Variants in ZBTB40 observed in about 807,000 individuals in gnomAD.
ZBTB40 encodes zinc finger and BTB domain containing 40.
ZBTB40 carries 60 observed loss-of-function variants against 117.5 expected under a neutral mutation model. The observed-to-expected ratio is 0.51, with a 90% confidence interval of 0.41 to 0.63. The LOEUF (loss-of-function observed/expected upper bound fraction) is 0.63, where lower values mean the gene tolerates loss of function less well. Ranked by LOEUF, ZBTB40 falls within the 30% of genes least tolerant of loss-of-function variation. ZBTB40 has a pLI of 0.00. For missense variants in ZBTB40, 1,287 were observed against 1,498.5 expected (o/e 0.86, Z 2.33); for synonymous variants, 525 against 577.1 (o/e 0.91, Z 1.29).
chr1:22,451,496 T>G (rs1387431205), upstream of ZBTB40, among the ~76,000 whole-genome samples: 1 of 150,972 alleles, frequency 6.6e-6, no homozygotes, highest in Non-Finnish European at 1.5e-5. Context: ...AAAAAAAAAA[T>G]TAGCAGGGCG....
chr1:22,492,433 C>T lies in ZBTB40; in HGVS notation c.831+900C>T, dbSNP rs143189386. Among the ~76,000 whole-genome samples the T allele has an allele frequency of 4.7e-4, 72 of 152,330 alleles. 2 individuals carry two copies. In the East Asian group the frequency reaches 0.013, roughly 27 times the overall value. On this transcript the variant is annotated intron_variant, in intron 3 of 17. Coordinates refer to ENST00000375647, the MANE Select transcript of ZBTB40 (RefSeq NM_014870.4). Reference sequence around the variant, plus strand: ...CCTGACCCTGCAGGATTCGACTCCACAACCAATTTAGAATTCCATTTATTT... The same window carrying T: ...CCTGACCCTGCAGGATTCGACTCCATAACCAATTTAGAATTCCATTTATTT...
intron 7 of ZBTB40, 128 bp downstream of exon 7, chr1:22,508,265 G>C: frequency 8.4e-7 from 1 of 1,183,678 alleles, no homozygotes; most frequent in East Asian, 2.6e-5. Context: ...TTGCTAAGTA[G>C]AGGAGAAATA....
At chr1:22,519,926 T>C (rs1639474273) in intron 13 of ZBTB40, 135 bp from the exon 14 acceptor site, 1 of 837,382 alleles carries the variant, frequency 1.2e-6, no homozygotes, top group South Asian at 1.4e-5. Context: ...TTGGAGTCTA[T>C]GACCCTGCCT....
intron 12 of ZBTB40, among the ~76,000 whole-genome samples, chr1:22,515,652 G>A (rs147720421): frequency 1.1e-3 from 168 of 152,128 alleles, no homozygotes; most frequent in African/African-American, 3.8e-3. Context: ...GGACCCTTGC[G>A]ATTACATTGA....
upstream of ZBTB40, among the ~76,000 whole-genome samples, chr1:22,449,681 G>A (rs1218899814): frequency 6.6e-6 from 1 of 152,194 alleles, no homozygotes; most frequent in African/African-American, 2.4e-5. Flanking sequence ...TAATAAGCAT[G>A]TATTCATTTA....
intron 1 of ZBTB40, among the ~76,000 whole-genome samples, chr1:22,479,403 GTT>G (rs1638226629): frequency 6.6e-6 from 1 of 151,980 alleles, no homozygotes; most frequent in Non-Finnish European, 1.5e-5. Context: ...TTTTATGTTT[GTT>G]TATAAAGTCA....
At chr1:22,512,206 C>G in intron 11 of ZBTB40, 72 bp downstream of exon 11, 1 of 1,547,248 alleles carries the variant, frequency 6.5e-7, no homozygotes, top group Non-Finnish European at 8.9e-7. Flanking sequence ...AGGCCTTTCC[C>G]TTAGTTGTGT....
Position 22,508,682 on chromosome 1 carries a change from C to T in ZBTB40, c.1650C>T (p.Leu550=). 5 of 1,614,130 alleles carry T rather than the reference C, an allele frequency of 3.1e-6. No homozygotes were observed. The highest frequency in any genetic ancestry group is 1.7e-4 in the Middle Eastern group (1 of 6,050). Residue 550 remains leucine, a synonymous_variant, in exon 8 of 18, where the codon CTC becomes CTT. Coordinates refer to ENST00000375647, the MANE Select transcript of ZBTB40 (RefSeq NM_014870.4). The part of the protein sequence containing the change: ...QETKTCPLDL[L]MEEIRREPGA... The stretch of plus-strand genomic sequence containing the variant: ...CAAAGACCTGTCCATTGGACCTGCT[C>T]ATGGAGGAAATACGAAGGGAGCCTG...
Position 22,521,601 on chromosome 1 carries a change from G to C in ZBTB40, c.3154G>C (p.Asp1052His). The change falls in exon 15 of 18, where the codon GAC (aspartate) becomes CAC (histidine). Residue 1052 changes from aspartate to histidine, a missense_variant. Around this residue, in one of 2 missense-constraint regions of ZBTB40, gnomAD observed 417 missense variants for 564.1 expected, o/e 0.74. Transcript: ENST00000375647. ...KFSSLQCSSC[D>H]KTFPNTIEHK... ...CTCATCACTCCAGTGCAGCTCCTGT[G>C]ACAAAACCTTCCCCAACACCATTGA... The C allele has an allele frequency of 6.2e-7, 1 of 1,614,194 alleles. No individual in the cohort carries two copies. Among genetic ancestry groups the C allele is most frequent in the Non-Finnish European group, 8.5e-7 (1 of 1,180,050 alleles).
rs1639805456 is a variant in ZBTB40, at chr1:22,530,664, T to C, written c.*4268T>C. On this transcript the variant is annotated 3_prime_UTR_variant, in exon 18 of 18. Coordinates refer to ENST00000375647, the MANE Select transcript of ZBTB40 (RefSeq NM_014870.4). ...TTCTTGTTCAGCTTGCACTAATCTA[T>C]ATAAATAAAATATGTACTTTGAAAA... 6.6e-6 allele frequency: 1 copy of C among 152,320 alleles called. No homozygotes were observed. Among genetic ancestry groups the C allele is most frequent in the African/African-American group, 2.4e-5 (1 of 41,442 alleles). The allele number at this position is 152,320 out of a possible 1,614,324, so 9.4% of individuals were successfully genotyped here.
At chr1:22,436,965 G>A (rs968804740) in intron 1 of ZBTB40, among the ~76,000 whole-genome samples, 1 of 152,100 alleles carries the variant, frequency 6.6e-6, no homozygotes, top group African/African-American at 2.4e-5. Flanking sequence ...GGGAAGATGG[G>A]CAAGTCTAGA....
At chr1:22,466,489 A>G (rs1392474424) in intron 1 of ZBTB40, among the ~76,000 whole-genome samples, 1 of 152,084 alleles carries the variant, frequency 6.6e-6, no homozygotes, top group Non-Finnish European at 1.5e-5. Context: ...GCACCATCTT[A>G]TGTTCCCACC....
intron 5 of ZBTB40, among the ~76,000 whole-genome samples, chr1:22,504,200 ATGTG>A (rs1447494468): frequency 6.6e-6 from 1 of 152,198 alleles, no homozygotes; most frequent in Non-Finnish European, 1.5e-5. Context: ...ATCGTGTGGA[ATGTG>A]TACCCAGGCC....
At chr1:22,495,806 G>A (rs191469094) in intron 3 of ZBTB40, among the ~76,000 whole-genome samples, 23 of 152,258 alleles carry the variant, frequency 1.5e-4, no homozygotes, top group African/African-American at 5.1e-4. Flanking sequence ...ATGAGCCACC[G>A]CACCCAGCCT....
chr1:22,491,457 C>T lies in ZBTB40; in HGVS notation c.755C>T (p.Ser252Leu). 1.2e-6 allele frequency: 2 copies of T among 1,613,924 alleles called. No individual in the cohort carries two copies. Among genetic ancestry groups the T allele is most frequent in the Non-Finnish European group, 1.7e-6 (2 of 1,179,864 alleles). ...NFLLENEGVF[S>L]DALMVTQDVL... ...CTTCTAGAAAATGAAGGTGTCTTCT[C>T]AGATGCACTCATGGTTACCCAGGAT... is the stretch of plus-strand genomic sequence containing the variant. Residue 252 changes from serine (S) to leucine (L), a missense_variant, in exon 3 of 18, where the codon TCA (serine) becomes TTA (leucine). Ser to Leu is a moderately radical substitution (Grantham distance 145). Transcript: ENST00000375647.
chr1:22,504,099 T>C (rs1473158688), intron 5 of ZBTB40, among the ~76,000 whole-genome samples: 3 of 152,220 alleles, frequency 2.0e-5, no homozygotes, highest in African/African-American at 7.2e-5. Flanking sequence ...CCAGAGCTTC[T>C]TTAAGTGATT....
chr1:22,455,835 C>G (rs370314445), intron 1 of ZBTB40, among the ~76,000 whole-genome samples: 2 of 151,762 alleles, frequency 1.3e-5, no homozygotes, highest in Non-Finnish European at 2.9e-5. Flanking sequence ...CTGAGTATAA[C>G]CCAAGTGTGG....
intron 1 of ZBTB40, among the ~76,000 whole-genome samples, chr1:22,485,460 G>A (rs1035226189): frequency 1.3e-5 from 2 of 152,088 alleles, no homozygotes; most frequent in African/African-American, 4.8e-5. Flanking sequence ...TGTATATGGG[G>A]TATACAGTGA....
chr1:22,519,675 G>A (rs1639467429), intron 13 of ZBTB40: 1 of 329,088 alleles, frequency 3.0e-6, no homozygotes, highest in Admixed American at 4.3e-5. Context: ...TCTGGGGAGT[G>A]TGCTGGAAAT....
Sources: allele counts gnomAD v4.1 joint callset (sites outside exome capture counted in the v4.1 genomes callset), GRCh38; gene constraint gnomAD v4.1.1; regional missense constraint gnomAD v4.1.1; transcripts MANE v1.5; gene names NCBI Gene and HGNC (gene_info 2026-07-23, HGNC 2026-07-21).